The following ELAVL2 variants were observed in gnomAD, a reference collection of about 807,000 sequenced individuals.
The protein encoded by ELAVL2 is ELAV like RNA binding protein 2, also known as ELAV-like protein 2.
ELAVL2 carries 4 observed loss-of-function variants against 34.6 expected under a neutral mutation model. That is an observed-to-expected ratio of 0.12 (90% CI 0.06 to 0.26). The LOEUF is 0.26. Among genes scored for constraint, ELAVL2 ranks in the 10% least tolerant of loss-of-function variants. ELAVL2 has a pLI of 1.00. For synonymous variants in ELAVL2, 193 were observed against 154.8 expected (o/e 1.25, Z -1.83); for missense variants, 432 against 442.8 (o/e 0.98, Z 0.22).
chr9:23,779,146 A>G (rs2058687412), intron 1 of ELAVL2: 1 of 973,034 alleles, frequency 1.0e-6, no homozygotes. Context: ...AACGCTCTAA[A>G]AACTGTCTCA....
intron 1 of ELAVL2, among the ~76,000 whole-genome samples, chr9:23,766,254 G>A (rs770074984): frequency 6.6e-6 from 1 of 151,926 alleles, no homozygotes; most frequent in Non-Finnish European, 1.5e-5. Flanking sequence ...CTCTTCTTCC[G>A]TTCTCCCACT....
intron 3 of ELAVL2, among the ~76,000 whole-genome samples, chr9:23,727,687 C>T (rs777950820): frequency 1.1e-4 from 17 of 152,068 alleles, no homozygotes; most frequent in Non-Finnish European, 1.5e-4. Flanking sequence ...TTCTAACTCA[C>T]TTCCCTTGGG....
At chr9:23,736,116 T>C (rs954454509) in intron 2 of ELAVL2, among the ~76,000 whole-genome samples, 1 of 152,188 alleles carries the variant, frequency 6.6e-6, no homozygotes, top group Non-Finnish European at 1.5e-5. Flanking sequence ...TCTTTTCTAT[T>C]TTAAATTACT....
At chr9:23,723,267 TG>T (rs1312558939) in intron 3 of ELAVL2, among the ~76,000 whole-genome samples, 1 of 152,096 alleles carries the variant, frequency 6.6e-6, no homozygotes, top group African/African-American at 2.4e-5. Flanking sequence ...TCATGTCCTT[TG>T]TAGGGACATG....
chr9:23,824,040 G>T (rs1161604944), intron 1 of ELAVL2, among the ~76,000 whole-genome samples: 2 of 152,128 alleles, frequency 1.3e-5, no homozygotes, highest in Non-Finnish European at 2.9e-5. Context: ...CGTGCATTTC[G>T]GGGAGAAAGT....
rs1042310613 is a variant in ELAVL2 at position 23,692,009 on chromosome 9, C to A, written c.*548G>T. ...AATAAGCGTTTATAATGTAGCCCCC[C>A]CTTCCCCAACCCAAATCATAATTAC... On this transcript the variant is annotated 3_prime_UTR_variant, in exon 7 of 7. Transcript: ENST00000397312. 4 of 152,852 alleles carry A rather than the reference C, an allele frequency of 2.6e-5. No individual in the cohort carries two copies. Among genetic ancestry groups the A allele is most frequent in the African/African-American group, 7.2e-5 (3 of 41,384 alleles). 9.5% of individuals were successfully genotyped at this position (152,852 alleles called of 1,614,324 possible).
chr9:23,821,912 G>A (rs1432571947), intron 1 of ELAVL2: 2 of 151,210 alleles, frequency 1.3e-5, no homozygotes, highest in Admixed American at 6.6e-5. Flanking sequence ...CGGCGAGTTC[G>A]CGGCGCCGCG....
At chr9:23,842,502 C>T in the ELAVL2 span, among the ~76,000 whole-genome samples, 1 of 152,078 alleles carries the variant, frequency 6.6e-6, no homozygotes, top group African/African-American at 2.4e-5. Flanking sequence ...ACCTGAAGCA[C>T]CCTTGATACT....
chr9:23,737,866 G>C (rs867547007), intron 2 of ELAVL2, among the ~76,000 whole-genome samples: 1 of 152,110 alleles, frequency 6.6e-6, no homozygotes, highest in Non-Finnish European at 1.5e-5. Context: ...AAGCAAAATG[G>C]AAAGATTCGC....
chr9:23,713,011 C>A (rs574163558), intron 3 of ELAVL2, among the ~76,000 whole-genome samples: 8 of 152,322 alleles, frequency 5.3e-5, no homozygotes, highest in African/African-American at 1.9e-4. Flanking sequence ...ACAAACTACA[C>A]TGCACTGAGT....
At chr9:23,819,829 C>G (rs1391393505) in intron 1 of ELAVL2, among the ~76,000 whole-genome samples, 1 of 152,200 alleles carries the variant, frequency 6.6e-6, no homozygotes, top group African/African-American at 2.4e-5. Context: ...CTACCCCATT[C>G]TGGCCTTTAT....
chr9:23,771,017 G>T (rs1334498492), intron 1 of ELAVL2, among the ~76,000 whole-genome samples: 1 of 152,166 alleles, frequency 6.6e-6, no homozygotes, highest in Admixed American at 6.5e-5. Flanking sequence ...AACAAAAAAG[G>T]AAACTATAAA....
intron 1 of ELAVL2, among the ~76,000 whole-genome samples, chr9:23,773,483 A>G (rs936114810): frequency 1.3e-5 from 2 of 152,198 alleles, no homozygotes; most frequent in African/African-American, 4.8e-5. Context: ...ACGAACGCTT[A>G]AGGATCTCAA....
chr9:23,712,460 C>G (rs540526170), intron 3 of ELAVL2, among the ~76,000 whole-genome samples: 2 of 152,230 alleles, frequency 1.3e-5, no homozygotes, highest in East Asian at 3.9e-4. Context: ...ATCAAAAAAA[C>G]TGTCTTAGGA....
At chr9:23,790,348 T>G (rs2060188199) in intron 1 of ELAVL2, among the ~76,000 whole-genome samples, 1 of 152,200 alleles carries the variant, frequency 6.6e-6, no homozygotes, top group Non-Finnish European at 1.5e-5. Flanking sequence ...TCCACATTAT[T>G]AGACACCCCA....
At chr9:23,793,840 G>T (rs1450021137) in intron 1 of ELAVL2, among the ~76,000 whole-genome samples, 1 of 152,028 alleles carries the variant, frequency 6.6e-6, no homozygotes, top group Non-Finnish European at 1.5e-5. Flanking sequence ...TCTCCCTACT[G>T]GTTCCAATTT....
intron 1 of ELAVL2, among the ~76,000 whole-genome samples, chr9:23,823,805 A>G (rs2138661554): frequency 6.6e-6 from 1 of 152,324 alleles, no homozygotes; most frequent in African/African-American, 2.4e-5. Flanking sequence ...TTTGGAAAAT[A>G]ATTTCTTTAG....
chr9:23,705,530 T>C (rs943163065), intron 3 of ELAVL2, among the ~76,000 whole-genome samples: 3 of 152,250 alleles, frequency 2.0e-5, no homozygotes, highest in Non-Finnish European at 4.4e-5. Context: ...TTCACAATAA[T>C]AGGCTGTCTT....
At chr9:23,778,363 A>AAAAAC (rs545995276) in intron 1 of ELAVL2, among the ~76,000 whole-genome samples, 1 of 152,222 alleles carries the variant, frequency 6.6e-6, no homozygotes, top group East Asian at 1.9e-4. Context: ...CAACGTCCTT[A>AAAAAC]AAAACAAAAC....
Sources: allele counts gnomAD v4.1 joint callset (sites outside exome capture counted in the v4.1 genomes callset), GRCh38; gene constraint gnomAD v4.1.1; transcripts MANE v1.5; gene names NCBI Gene and HGNC (gene_info 2026-07-23, HGNC 2026-07-21).